The following MTA3 variants were observed in gnomAD, a reference collection of about 807,000 sequenced individuals.
The protein encoded by MTA3 is metastasis associated 1 family member 3.
A neutral mutation model predicts 83.5 loss-of-function variants in MTA3; 34 were observed. That is an observed-to-expected ratio of 0.41 (90% CI 0.31 to 0.54). The LOEUF (loss-of-function observed/expected upper bound fraction) is 0.54, where lower values mean the gene tolerates loss of function less well. MTA3 is among the 20% of genes least tolerant of loss of function. The pLI is 0.33. For missense variants in MTA3, 761 were observed against 726.4 expected (o/e 1.05, Z -0.55); for synonymous variants, 303 against 252.7 (o/e 1.20, Z -1.89).
At chr2:42,643,604 A>G (rs1330790721) in intron 5 of MTA3, among the ~76,000 whole-genome samples, 3 of 152,240 alleles carry the variant, frequency 2.0e-5, no homozygotes, top group African/African-American at 7.2e-5. Flanking sequence ...AAATATTTAC[A>G]AAGTGGTATT....
chr2:42,530,570 G>T (rs946955248), intron 2 of MTA3, among the ~76,000 whole-genome samples: 15 of 151,886 alleles, frequency 9.9e-5, no homozygotes, highest in African/African-American at 3.4e-4. Context: ...GATCACCTGA[G>T]GTCGGGAGTT....
chr2:42,546,507 A>G lies in MTA3; in HGVS notation c.-140-23930A>G, dbSNP rs1676765305. ...GGCAACTTTGGTCATCCTTTTTCTA[A>G]TCAAACCAAAAAGAACTGAAAAAAA... On this transcript the variant is annotated intron_variant, in intron 2 of 17. Transcript: ENST00000405592. Among the ~76,000 whole-genome samples the G allele has an allele frequency of 2.6e-5, 4 of 152,114 alleles. No individual in the cohort carries two copies. The South Asian group carries it at 8.3e-4, about 31-fold the overall frequency.
intron 6 of MTA3, among the ~76,000 whole-genome samples, chr2:42,654,966 A>C (rs1389869436): frequency 7.0e-6 from 1 of 142,182 alleles, no homozygotes; most frequent in African/African-American, 2.6e-5. Context: ...CAAAACTTGA[A>C]ATCTACACTC....
intron 2 of MTA3, among the ~76,000 whole-genome samples, chr2:42,560,766 A>G (rs1677639415): frequency 1.3e-5 from 2 of 150,924 alleles, no homozygotes; most frequent in African/African-American, 2.4e-5. Context: ...ATTAGCGGGG[A>G]TATGGTGGCG....
intron 16 of MTA3, chr2:42,723,272 A>T (rs1409054152): frequency 5.9e-6 from 3 of 505,710 alleles, no homozygotes; most frequent in African/African-American, 1.9e-5. Context: ...GTTTTTGGAG[A>T]TGAAATCTGT....
At chr2:42,567,643 G>A (rs1677977453), upstream of MTA3, among the ~76,000 whole-genome samples, 1 of 150,068 alleles carries the variant, frequency 6.7e-6, no homozygotes, top group Non-Finnish European at 1.5e-5. Flanking sequence ...AAGATTCAAC[G>A]TTGTTTTTTT....
chr2:42,554,507 A>G (rs1337519253), intron 2 of MTA3, among the ~76,000 whole-genome samples: 1 of 152,194 alleles, frequency 6.6e-6, no homozygotes, highest in African/African-American at 2.4e-5. Context: ...AAAGAAGGAA[A>G]AGGGCACTTG....
intron 2 of MTA3, among the ~76,000 whole-genome samples, chr2:42,571,260 A>G (rs1205640833): frequency 6.6e-6 from 1 of 151,774 alleles, no homozygotes; most frequent in Admixed American, 6.6e-5. Flanking sequence ...TTAGCTAGGC[A>G]TGGTGGCATG....
At chr2:42,580,381 A>G (rs1424983644) in intron 3 of MTA3, among the ~76,000 whole-genome samples, 1 of 150,538 alleles carries the variant, frequency 6.6e-6, no homozygotes, top group Non-Finnish European at 1.5e-5. Flanking sequence ...TTATTTATTT[A>G]TTTATTTTGA....
intron 16 of MTA3, among the ~76,000 whole-genome samples, chr2:42,747,816 A>G (rs1669553004): frequency 6.6e-6 from 1 of 152,066 alleles, no homozygotes; most frequent in South Asian, 2.1e-4. Context: ...GGTAAACTAT[A>G]TATTATTAAA....
chr2:42,583,658 A>G (rs1483451035), intron 3 of MTA3, among the ~76,000 whole-genome samples: 1 of 151,692 alleles, frequency 6.6e-6, no homozygotes, highest in African/African-American at 2.4e-5. Context: ...CCTCCCGAAT[A>G]GCTGAGAGTA....
chr2:42,579,448 G>T (rs1679388067), intron 3 of MTA3, among the ~76,000 whole-genome samples: 1 of 145,306 alleles, frequency 6.9e-6, no homozygotes. Flanking sequence ...TTTTTCCGGA[G>T]ACAAAGTTTG....
intron 16 of MTA3, among the ~76,000 whole-genome samples, chr2:42,734,264 C>G (rs185231987): frequency 3.1e-4 from 47 of 152,094 alleles, no homozygotes; most frequent in Admixed American, 2.1e-3. Context: ...TGAATTGACC[C>G]CTTTATCATT....
At chr2:42,747,328 G>C (rs776042110) in intron 16 of MTA3, among the ~76,000 whole-genome samples, 1 of 152,038 alleles carries the variant, frequency 6.6e-6, no homozygotes, top group Non-Finnish European at 1.5e-5. Flanking sequence ...TGACCTCTCT[G>C]TGCAGCATTC....
At chr2:42,571,487 G>C (rs1288325596) in intron 2 of MTA3, among the ~76,000 whole-genome samples, 1 of 151,268 alleles carries the variant, frequency 6.6e-6, no homozygotes, top group Non-Finnish European at 1.5e-5. Context: ...ATATTTAAAA[G>C]TGTGCAGATA....
intron 2 of MTA3, among the ~76,000 whole-genome samples, chr2:42,534,786 G>A (rs1214439754): frequency 2.6e-5 from 4 of 151,962 alleles, no homozygotes; most frequent in Non-Finnish European, 4.4e-5. Flanking sequence ...AACTATTAGC[G>A]TTGTGTGGAT....
chr2:42,729,906 C>T (rs910422549), intron 16 of MTA3, among the ~76,000 whole-genome samples: 7 of 152,114 alleles, frequency 4.6e-5, no homozygotes, highest in Non-Finnish European at 7.4e-5. Flanking sequence ...TTAACAGTAT[C>T]GATTCTTCCA....
chr2:42,519,471 T>C (rs1344305290), intron 2 of MTA3, among the ~76,000 whole-genome samples: 1 of 151,762 alleles, frequency 6.6e-6, no homozygotes, highest in Non-Finnish European at 1.5e-5. Context: ...CCGGGTGTGA[T>C]GGCACATGCC....
intron 16 of MTA3, among the ~76,000 whole-genome samples, chr2:42,724,266 A>T (rs1667637241): frequency 7.0e-6 from 1 of 143,020 alleles, no homozygotes; most frequent in East Asian, 2.1e-4. Context: ...GGTATAAAGT[A>T]AGTCCTGAAA....
Sources: allele counts gnomAD v4.1 joint callset (sites outside exome capture counted in the v4.1 genomes callset), GRCh38; gene constraint gnomAD v4.1.1; transcripts MANE v1.5; gene names NCBI Gene and HGNC (gene_info 2026-07-23, HGNC 2026-07-21).